ASXL2: variants seen among roughly 807,000 people sequenced by gnomAD.
ASXL2 encodes putative Polycomb group protein ASXL2.
ASXL2 carries 23 observed loss-of-function variants against 122.0 expected under a neutral mutation model. The ratio of observed to expected loss-of-function variants is 0.19; its 90% CI spans 0.14 to 0.27. ASXL2 has a LOEUF of 0.27. Among genes scored for constraint, ASXL2 ranks in the 10% least tolerant of loss-of-function variants. ASXL2 has a pLI of 1.00. For missense variants in ASXL2, 1,518 were observed against 1,713.8 expected, an observed-to-expected ratio of 0.89 and a Z score of 2.02; for synonymous variants, 650 against 637.0, an observed-to-expected ratio of 1.02 and a Z score of -0.31.
intron 1 of ASXL2, among the ~76,000 whole-genome samples, chr2:25,846,278 G>T (rs987578904): frequency 6.6e-6 from 1 of 152,074 alleles, no homozygotes; most frequent in African/African-American, 2.4e-5. Flanking sequence ...CCAGGCAATC[G>T]CATGGGAGCA....
chr2:25,787,937 A>G (rs559206097), intron 5 of ASXL2, among the ~76,000 whole-genome samples: 15 of 152,330 alleles, frequency 9.8e-5, no homozygotes, highest in African/African-American at 3.6e-4. Flanking sequence ...ATTAAAGAAC[A>G]AAATGGAAAG....
At chr2:25,793,105 C>T (rs184300137) in intron 5 of ASXL2, among the ~76,000 whole-genome samples, 18 of 151,878 alleles carry the variant, frequency 1.2e-4, no homozygotes, top group Middle Eastern at 3.4e-3. Context: ...TGGTGGTGCA[C>T]GCCTGTAGTC....
intron 3 of ASXL2, among the ~76,000 whole-genome samples, chr2:25,820,084 TTATTTTATTATTG>T (rs1425859889): frequency 6.6e-6 from 1 of 152,092 alleles, no homozygotes; most frequent in African/African-American, 2.4e-5. Context: ...GCTAATTATT[TTATTTTATTATTG>T]TATAGAGACG....
intron 8 of ASXL2, among the ~76,000 whole-genome samples, chr2:25,765,837 T>C (rs1463994026): frequency 6.6e-6 from 1 of 152,198 alleles, no homozygotes; most frequent in East Asian, 1.9e-4. Flanking sequence ...AAATCTGTGT[T>C]TGGCTTATTA....
intron 1 of ASXL2, among the ~76,000 whole-genome samples, chr2:25,849,050 A>C (rs1236960317): frequency 4.0e-5 from 1 of 25,052 alleles, no homozygotes; most frequent in Non-Finnish European, 6.6e-5. Context: ...CGTCTCAAAA[A>C]AAAAAAAAAT....
intron 3 of ASXL2, chr2:25,822,586 T>C (rs776426931): frequency 1.2e-5 from 6 of 520,044 alleles, no homozygotes; most frequent in Non-Finnish European, 1.8e-5. Context: ...CATTCAGTTG[T>C]CTCAGAGGAA....
chr2:25,797,048 A>C (rs2088921380), intron 5 of ASXL2, among the ~76,000 whole-genome samples: 1 of 152,260 alleles, frequency 6.6e-6, no homozygotes, highest in African/African-American at 2.4e-5. Context: ...TTTAGATACA[A>C]GACCAAAGAC....
intron 2 of ASXL2, among the ~76,000 whole-genome samples, chr2:25,840,677 TACTGTAG>T (rs1487761390): frequency 6.6e-6 from 1 of 152,234 alleles, no homozygotes; most frequent in Non-Finnish European, 1.5e-5. Context: ...GGTTCATCCA[TACTGTAG>T]CATGTATCAG....
At chr2:25,762,569 G>C (rs2088272977) in intron 8 of ASXL2, among the ~76,000 whole-genome samples, 1 of 149,276 alleles carries the variant, frequency 6.7e-6, no homozygotes, top group Admixed American at 6.7e-5. Context: ...GGAGGCTGAG[G>C]CAGAAGAATC....
intron 5 of ASXL2, among the ~76,000 whole-genome samples, chr2:25,786,037 G>A (rs1458719170): frequency 6.6e-6 from 1 of 151,902 alleles, no homozygotes; most frequent in Non-Finnish European, 1.5e-5. Flanking sequence ...CAACCAAGTT[G>A]GTTTATCCAA....
chr2:25,764,970 C>T (rs1192918147), intron 8 of ASXL2, among the ~76,000 whole-genome samples: 2 of 152,062 alleles, frequency 1.3e-5, no homozygotes, highest in Non-Finnish European at 2.9e-5. Flanking sequence ...ATGACTTACC[C>T]AAGTTTTTTC....
chr2:25,811,833 C>A (rs1291390860), intron 3 of ASXL2, among the ~76,000 whole-genome samples: 1 of 152,204 alleles, frequency 6.6e-6, no homozygotes, highest in African/African-American at 2.4e-5. Context: ...CTTACTGTAA[C>A]CTCTGCCTCT....
intron 5 of ASXL2, among the ~76,000 whole-genome samples, chr2:25,798,703 G>A (rs1335936231): frequency 1.3e-5 from 2 of 152,154 alleles, no homozygotes; most frequent in African/African-American, 4.8e-5. Flanking sequence ...GGCAGAAGTT[G>A]CAATGAGCTG....
chr2:25,838,071 T>C (rs1303999108), intron 2 of ASXL2, among the ~76,000 whole-genome samples: 3 of 151,774 alleles, frequency 2.0e-5, no homozygotes, highest in Admixed American at 6.6e-5. Flanking sequence ...TGCACTCCAG[T>C]CTGGGTGACA....
intron 3 of ASXL2, among the ~76,000 whole-genome samples, chr2:25,826,762 TAAAAAAA>T (rs55765302): frequency 5.9e-5 from 4 of 68,088 alleles, no homozygotes; most frequent in South Asian, 7.9e-4. Context: ...ACTTTCAAGG[TAAAAAAA>T]AAAAAAAAAA....
In ASXL2 at chr2:25,805,473, CT is replaced by C. The variant is rs200605595; in HGVS notation, c.252+755del. 3.1e-3 allele frequency among the ~76,000 whole-genome samples: 474 copies of C among 151,708 alleles called. 6 individuals carry two copies. The highest frequency in any genetic ancestry group is 0.021 in the Admixed American group (326 of 15,260). ...TTGTAATCATATTTCTTTTTCCTGT[CT>C]TTTTGTACTTATCTAACAAAACAAA... On this transcript the variant is annotated intron_variant, in intron 4 of 12. Coordinates refer to ENST00000435504, the MANE Select transcript of ASXL2 (RefSeq NM_018263.6).
chr2:25,804,982 G>A (rs1406523096), intron 4 of ASXL2, among the ~76,000 whole-genome samples: 2 of 152,138 alleles, frequency 1.3e-5, no homozygotes, highest in South Asian at 2.1e-4. Flanking sequence ...CCCAGGAAGC[G>A]GAGGTTGTAG....
chr2:25,867,302 C>G (rs1156517853), intron 1 of ASXL2, among the ~76,000 whole-genome samples: 2 of 152,002 alleles, frequency 1.3e-5, no homozygotes, highest in Non-Finnish European at 2.9e-5. Context: ...GTGGAAACTT[C>G]AGGAGGCTCG....
At chr2:25,804,434 A>C (rs558292404) in intron 4 of ASXL2, among the ~76,000 whole-genome samples, 1 of 152,232 alleles carries the variant, frequency 6.6e-6, no homozygotes, top group Non-Finnish European at 1.5e-5. Flanking sequence ...CAAACCAATT[A>C]AGCCAAATCA....
Sources: allele counts gnomAD v4.1 joint callset (sites outside exome capture counted in the v4.1 genomes callset), GRCh38; gene constraint gnomAD v4.1.1; transcripts MANE v1.5; gene names NCBI Gene and HGNC (gene_info 2026-07-23, HGNC 2026-07-21).